ARHGAP15: variants seen among roughly 807,000 people sequenced by gnomAD.
ARHGAP15 encodes rho GTPase-activating protein 15.
ARHGAP15 carries 51 observed loss-of-function variants against 63.7 expected under a neutral mutation model. The observed-to-expected ratio is 0.80, with a 90% confidence interval of 0.64 to 1.01. ARHGAP15 has a LOEUF of 1.01. Ranked by LOEUF, ARHGAP15 falls within the 50% of genes least tolerant of loss-of-function variation. The pLI is 0.00. For missense variants in ARHGAP15, 560 were observed against 564.6 expected, an observed-to-expected ratio of 0.99 and a Z score of 0.08; for synonymous variants, 191 against 193.8, an observed-to-expected ratio of 0.99 and a Z score of 0.12.
intron 6 of ARHGAP15, among the ~76,000 whole-genome samples, chr2:143,323,951 G>C (rs1684142917): frequency 7.0e-6 from 1 of 143,876 alleles, no homozygotes; most frequent in Non-Finnish European, 1.5e-5. Context: ...AACGGGCCAT[G>C]TATCAGTGAA....
At chr2:143,229,853 G>A (rs1378637387) in intron 5 of ARHGAP15, among the ~76,000 whole-genome samples, 3 of 152,220 alleles carry the variant, frequency 2.0e-5, no homozygotes, top group Non-Finnish European at 2.9e-5. Flanking sequence ...TCTGATAACC[G>A]CAGTAGCCTT....
chr2:143,246,493 T>G (rs1694049904), intron 5 of ARHGAP15, among the ~76,000 whole-genome samples: 1 of 151,780 alleles, frequency 6.6e-6, no homozygotes, highest in African/African-American at 2.4e-5. Flanking sequence ...GAAGAGAAAG[T>G]GACTAGGAAC....
At chr2:143,334,112 T>G (rs1033197084) in intron 6 of ARHGAP15, among the ~76,000 whole-genome samples, 2 of 152,152 alleles carry the variant, frequency 1.3e-5, no homozygotes, top group Non-Finnish European at 2.9e-5. Flanking sequence ...AGTTGAAGCT[T>G]CCCCTTGTAC....
chr2:143,546,940 T>C (rs1307495185), intron 10 of ARHGAP15, among the ~76,000 whole-genome samples: 5 of 152,122 alleles, frequency 3.3e-5, no homozygotes, highest in Middle Eastern at 3.2e-3. Flanking sequence ...AAAGAAGATG[T>C]AAGATTTGTC....
At chr2:143,167,806 G>T (rs1374117374) in intron 2 of ARHGAP15, among the ~76,000 whole-genome samples, 1 of 152,076 alleles carries the variant, frequency 6.6e-6, no homozygotes. Context: ...ATGACCAGAG[G>T]TACTTTTTAT....
At chr2:143,147,962 A>G (rs533117400) in intron 1 of ARHGAP15, among the ~76,000 whole-genome samples, 2 of 152,208 alleles carry the variant, frequency 1.3e-5, no homozygotes, top group East Asian at 1.9e-4. Context: ...TTCATCAAGT[A>G]TCTTAGAAAG....
chr2:143,333,429 T>G (rs1486509239), intron 6 of ARHGAP15, among the ~76,000 whole-genome samples: 2 of 152,190 alleles, frequency 1.3e-5, no homozygotes, highest in African/African-American at 4.8e-5. Flanking sequence ...CTCTTTTGCA[T>G]AAATGTTAAG....
At chr2:143,425,227 A>T (rs926951256) in intron 6 of ARHGAP15, among the ~76,000 whole-genome samples, 7 of 152,080 alleles carry the variant, frequency 4.6e-5, no homozygotes, top group Non-Finnish European at 1.0e-4. Context: ...TCTCCTTATT[A>T]GGTGGGTGGC....
At chr2:143,557,849 C>T (rs1399577626) in intron 11 of ARHGAP15, among the ~76,000 whole-genome samples, 1 of 152,064 alleles carries the variant, frequency 6.6e-6, no homozygotes, top group Non-Finnish European at 1.5e-5. Flanking sequence ...AGAAGACCAA[C>T]ACATCTTAAG....
chr2:143,434,617 T>A (rs1310181224), intron 6 of ARHGAP15, among the ~76,000 whole-genome samples: 4 of 152,132 alleles, frequency 2.6e-5, no homozygotes, highest in African/African-American at 9.7e-5. Flanking sequence ...GGCTCCTGAT[T>A]GAGTATTTTG....
chr2:143,753,716 T>G (rs1027646516), intron 13 of ARHGAP15, among the ~76,000 whole-genome samples: 6 of 152,222 alleles, frequency 3.9e-5, no homozygotes, highest in African/African-American at 1.2e-4. Context: ...AAATTTTAGA[T>G]GGCCAAAAAA....
chr2:143,559,500 T>G (rs562172114), intron 11 of ARHGAP15, among the ~76,000 whole-genome samples: 2 of 152,344 alleles, frequency 1.3e-5, no homozygotes, highest in East Asian at 3.9e-4. Flanking sequence ...CATTAGGACC[T>G]TTGATACTGG....
chr2:143,486,282 C>T (rs7567948), intron 8 of ARHGAP15, among the ~76,000 whole-genome samples: 13,964 of 151,864 alleles, frequency 0.092, 773 homozygotes, highest in African/African-American at 0.16. Flanking sequence ...AATAATAAGA[C>T]ACCTTGGGCC....
At chr2:143,709,835 A>T (rs1292059394) in intron 13 of ARHGAP15, among the ~76,000 whole-genome samples, 2 of 152,192 alleles carry the variant, frequency 1.3e-5, no homozygotes, top group Non-Finnish European at 2.9e-5. Flanking sequence ...CACTGTAGGT[A>T]TTTCTGATGT....
At chr2:143,538,906 G>A (rs2105038492) in intron 10 of ARHGAP15, among the ~76,000 whole-genome samples, 1 of 152,332 alleles carries the variant, frequency 6.6e-6, no homozygotes, top group South Asian at 2.1e-4. Flanking sequence ...AAATGAGTTA[G>A]GGAGGATTCC....
chr2:143,678,449 A>T (rs527710248), intron 12 of ARHGAP15, among the ~76,000 whole-genome samples: 1 of 152,344 alleles, frequency 6.6e-6, no homozygotes, highest in Non-Finnish European at 1.5e-5. Flanking sequence ...TTCTAGAATT[A>T]TAAGTGAATG....
intron 8 of ARHGAP15, among the ~76,000 whole-genome samples, chr2:143,477,600 C>A (rs558262717): frequency 6.6e-6 from 1 of 151,948 alleles, no homozygotes; most frequent in South Asian, 2.1e-4. Context: ...GCACAAAAAA[C>A]TGGCATAGCT....
chr2:143,545,778 G>A (rs781168100), intron 10 of ARHGAP15, among the ~76,000 whole-genome samples: 1 of 152,020 alleles, frequency 6.6e-6, no homozygotes, highest in Non-Finnish European at 1.5e-5. Context: ...TCAGCAGTAA[G>A]TTAATTAGAA....
chr2:143,564,879 C>G (rs1171598387), intron 11 of ARHGAP15, among the ~76,000 whole-genome samples: 1 of 151,982 alleles, frequency 6.6e-6, no homozygotes, highest in Non-Finnish European at 1.5e-5. Context: ...GGTGCTTTAC[C>G]TAATCATTTG....
Sources: gnomAD v4.1 joint callset for allele counts (sites outside exome capture counted in the v4.1 genomes callset) on GRCh38, gnomAD v4.1.1 for gene constraint, MANE v1.5 for transcripts, NCBI Gene and HGNC (gene_info 2026-07-23, HGNC 2026-07-21) for gene names.